Variants in KCNH2 observed in about 807,000 individuals in gnomAD.
The protein encoded by KCNH2 is voltage-gated inwardly rectifying potassium channel KCNH2.
In KCNH2, 35 loss-of-function variants were observed where a neutral mutation model predicts 95.9. The observed-to-expected ratio is 0.37, with a 90% CI of 0.28 to 0.48. The LOEUF is 0.48. Among genes scored for constraint, KCNH2 ranks in the 20% least tolerant of loss-of-function variants. The pLI is 0.99. For synonymous variants in KCNH2, 786 were observed against 754.7 expected, an observed-to-expected ratio of 1.04 and a Z score of -0.68; for missense variants, 1,274 against 1,702.9, an observed-to-expected ratio of 0.75 and a Z score of 4.43.
At chr7:150,975,649 T>C (rs1488268895) in intron 1 of KCNH2, among the ~76,000 whole-genome samples, 2 of 152,234 alleles carry the variant, frequency 1.3e-5, no homozygotes, top group African/African-American at 4.8e-5. Flanking sequence ...CCTCCTTTTA[T>C]AGATGAAGAA....
At chr7:150,977,205 C>T (rs778628273) in intron 1 of KCNH2, among the ~76,000 whole-genome samples, 13 of 152,176 alleles carry the variant, frequency 8.5e-5, no homozygotes, top group Non-Finnish European at 1.8e-4. Flanking sequence ...GCTGCTTACC[C>T]TCAAAGCCCA....
chr7:150,952,350 C>G lies in KCNH2; in HGVS notation c.1557+75G>C, dbSNP rs539082699. Reference sequence around the variant, plus strand: ...TTTTTCTCTGTCCTCCTCGCCACCCCCTCCACCCCACTACCTCCCACCACA... The same window carrying G: ...TTTTTCTCTGTCCTCCTCGCCACCCGCTCCACCCCACTACCTCCCACCACA... On this transcript the variant is annotated intron_variant, in intron 6 of 14. Coordinates refer to ENST00000262186, the MANE Select transcript of KCNH2 (RefSeq NM_000238.4). The surrounding 1 kb of genome is among the most constrained non-coding windows in gnomAD (Gnocchi z 7.3). 2.5e-5 allele frequency: 36 copies of G among 1,427,112 alleles called. No individual in the cohort carries two copies. In the African/African-American group the frequency reaches 4.7e-4, roughly 18 times the overall value. 88.4% of individuals were successfully genotyped at this position (1,427,112 alleles called of 1,614,324 possible).
At chr7:150,968,817 G>A (rs1219966612) in intron 2 of KCNH2, among the ~76,000 whole-genome samples, 1 of 152,172 alleles carries the variant, frequency 6.6e-6, no homozygotes, top group Non-Finnish European at 1.5e-5. Context: ...TAGGAGCAGG[G>A]GTGCTGAGGC....
At position 150,952,350 on chromosome 7, in the gene KCNH2, C is replaced by A; in HGVS notation, c.1557+75G>T. 7.0e-7 allele frequency: 1 copy of A among 1,427,112 alleles called. No homozygotes were observed. The highest frequency in any genetic ancestry group is 9.7e-7 in the Non-Finnish European group (1 of 1,029,362). The allele number at this position is 1,427,112 out of a possible 1,614,324, so 88.4% of individuals were successfully genotyped here. A position where few individuals can be genotyped will look rare whatever the true frequency, so the allele number is the denominator to read the frequency against. The stretch of plus-strand genomic sequence containing the variant: ...TTTTTCTCTGTCCTCCTCGCCACCC[C>A]CTCCACCCCACTACCTCCCACCACA... On this transcript the variant is annotated intron_variant, in intron 6 of 14. Coordinates refer to ENST00000262186, the MANE Select transcript of KCNH2 (RefSeq NM_000238.4). The surrounding 1 kb of genome is among the most constrained non-coding windows in gnomAD (Gnocchi z 7.3).
At chr7:150,968,661 A>C (rs915588402) in intron 2 of KCNH2, among the ~76,000 whole-genome samples, 3 of 152,218 alleles carry the variant, frequency 2.0e-5, no homozygotes, top group African/African-American at 7.2e-5. Flanking sequence ...GGGAAAAGGA[A>C]AAAAATGAAA....
In KCNH2 at chr7:150,946,297, G is replaced by A. The variant is rs539050884; in HGVS notation, c.3330+580C>T. 6.6e-5 allele frequency among the ~76,000 whole-genome samples: 10 copies of A among 152,308 alleles called. No individual in the cohort carries two copies. Among genetic ancestry groups the A allele is most frequent in the African/African-American group, 2.2e-4 (9 of 41,564 alleles). On this transcript the variant is annotated intron_variant, in intron 14 of 14. Transcript: ENST00000262186. This position sits in a 1 kb window ranked among gnomAD's most constrained non-coding sequence, Gnocchi z 6.5. Reference sequence around the variant, plus strand: ...CTAAGGCCCATCTCTAGCAGAGGGGGCAAAGCAGGCCCAGGAAGTCCTCCC... The same window carrying A: ...CTAAGGCCCATCTCTAGCAGAGGGGACAAAGCAGGCCCAGGAAGTCCTCCC...
chr7:150,945,623 G>A lies in KCNH2; in HGVS notation c.3331-109C>T, dbSNP rs1166170171. 40 of 1,193,146 alleles carry A rather than the reference G, an allele frequency of 3.4e-5. No homozygotes were observed. In the East Asian group the frequency reaches 9.7e-4, roughly 29 times the overall value. 73.9% of individuals were successfully genotyped at this position (1,193,146 alleles called of 1,614,324 possible). On this transcript the variant is annotated intron_variant, in intron 14 of 14. Coordinates refer to ENST00000262186, the MANE Select transcript of KCNH2 (RefSeq NM_000238.4). The surrounding 1 kb of genome is among the most constrained non-coding windows in gnomAD (Gnocchi z 5.6). ...CAGAGGATGGACGGGAGGACAGGAGGGCCAAGAGGAGAGTCAGGTGGGCAG... is the reference window on the plus strand; with the variant it reads ...CAGAGGATGGACGGGAGGACAGGAGAGCCAAGAGGAGAGTCAGGTGGGCAG...
intron 9 of KCNH2, 83 bp downstream of exon 9, chr7:150,950,085 C>A (rs1297779143): frequency 1.2e-6 from 2 of 1,613,474 alleles, no homozygotes; most frequent in East Asian, 4.5e-5. Flanking sequence ...TCCACAGCCC[C>A]AGTGACTGCA....
chr7:150,948,408 C>A, intron 11 of KCNH2, 36 bp downstream of exon 11: 4 of 967,832 alleles, frequency 4.1e-6, no homozygotes, highest in South Asian at 1.4e-5. Flanking sequence ...CTCACCTTGT[C>A]CCCGCCCTCC....
In KCNH2 at chr7:150,963,622, C is replaced by T. The variant is rs184159705; in HGVS notation, c.308-3886G>A. ...CCCCACTCCCACCCCAGCCTCAGCCCCAGCGCTGGCTGAAGACACCTTACT... is the reference window on the plus strand; with the variant it reads ...CCCCACTCCCACCCCAGCCTCAGCCTCAGCGCTGGCTGAAGACACCTTACT... On this transcript the variant is annotated intron_variant, in intron 2 of 14. Transcript: ENST00000262186. Among the ~76,000 whole-genome samples, 704 of 151,960 alleles carry T rather than the reference C, an allele frequency of 4.6e-3. 4 individuals carry two copies. Among genetic ancestry groups the T allele is most frequent in the African/African-American group, 0.016 (667 of 41,416 alleles).
At chr7:150,964,190 C>T (rs1447365034) in intron 2 of KCNH2, among the ~76,000 whole-genome samples, 2 of 152,204 alleles carry the variant, frequency 1.3e-5, no homozygotes, top group Non-Finnish European at 2.9e-5. Context: ...TGACCTTAGG[C>T]ACCTTCTGGG....
At chr7:150,968,267 C>T (rs1434132368) in intron 2 of KCNH2, among the ~76,000 whole-genome samples, 1 of 152,206 alleles carries the variant, frequency 6.6e-6, no homozygotes. Context: ...ATCCCACAGA[C>T]ATCCTCACCC....
intron 9 of KCNH2, chr7:150,949,303 A>T: frequency 7.2e-7 from 1 of 1,384,754 alleles, no homozygotes; most frequent in South Asian, 1.5e-5. Flanking sequence ...CAGCAGGACT[A>T]CCCCAAACCC....
rs766394577 is a variant in KCNH2 at position 150,952,846 on chromosome 7, G to T, written c.1136C>A (p.Ser379Tyr). The change falls in exon 6 of 15, where the codon TCC (serine) becomes TAC (tyrosine). Residue 379 changes from serine (S) to tyrosine (Y), a missense_variant. This residue lies in a region of KCNH2 where 392 missense variants were observed against 429.9 expected (regional missense o/e 0.91). Transcript: ENST00000262186. This position sits in a 1 kb window ranked among gnomAD's most constrained non-coding sequence, Gnocchi z 7.3. ...NVTEKVTQVL[S>Y]LGADVLPEYK... ...CTCAGGCAGCACGTCGGCGCCCAGG[G>T]ACAGGACCTGCACCCGGGGAAGGCG... The T allele has an allele frequency of 6.2e-7, 1 of 1,613,388 alleles. No individual in the cohort carries two copies. The highest frequency in any genetic ancestry group is 1.1e-5 in the South Asian group (1 of 91,072).
chr7:150,974,542 A>C (rs1475959806), intron 2 of KCNH2, among the ~76,000 whole-genome samples, 169 bp downstream of exon 2: 1 of 152,092 alleles, frequency 6.6e-6, no homozygotes. Context: ...TCCCACAGGC[A>C]CACCGCAGGG....
At chr7:150,970,937 A>G (rs1801825490) in intron 2 of KCNH2, among the ~76,000 whole-genome samples, 2 of 152,188 alleles carry the variant, frequency 1.3e-5, no homozygotes, top group Non-Finnish European at 2.9e-5. Context: ...CCCAGCCTCA[A>G]GGCTCCCCTT....
rs1472741486 is a variant in KCNH2, at chr7:150,946,451, G to A, written c.3330+426C>T. Reference sequence around the variant, plus strand: ...GAGTGTCACTCACAGAAGGGACCCGGGACCCTGTCCCTAGATACTCTGGTA... The same window carrying A: ...GAGTGTCACTCACAGAAGGGACCCGAGACCCTGTCCCTAGATACTCTGGTA... On this transcript the variant is annotated intron_variant, in intron 14 of 14. Transcript: ENST00000262186. The surrounding 1 kb of genome is among the most constrained non-coding windows in gnomAD (Gnocchi z 6.5). Among the ~76,000 whole-genome samples the A allele has an allele frequency of 6.6e-6, 1 of 152,198 alleles. No individual in the cohort carries two copies. Among genetic ancestry groups the A allele is most frequent in the Non-Finnish European group, 1.5e-5 (1 of 68,028 alleles).
At chr7:150,968,746 G>A (rs1801765309) in intron 2 of KCNH2, among the ~76,000 whole-genome samples, 1 of 152,186 alleles carries the variant, frequency 6.6e-6, no homozygotes, top group Non-Finnish European at 1.5e-5. Context: ...GGGGCCAGCA[G>A]CAGCCTGCAG....
rs939435672 is a variant in KCNH2 at position 150,948,860 on chromosome 7, C to T, written c.2588G>A (p.Arg863Gln). ...WSSLEITFNL[R>Q]DTNMIPGSPG... is the part of the protein sequence containing the mutation. ...AGCTCAGGGCAGCCAACTCACATCT[C>T]GCAGGTTGAAGGTGATCTCCAGGCT... Residue 863 changes from arginine to glutamine, a missense_variant, in exon 10 of 15, where the codon CGA becomes CAA. Physicochemically the swap from Arg to Gln is conservative, Grantham distance 43. Around this residue, in one of 7 missense-constraint regions of KCNH2, gnomAD observed 159 missense variants for 282.5 expected, o/e 0.56. Coordinates refer to ENST00000262186, the MANE Select transcript of KCNH2 (RefSeq NM_000238.4). 6.2e-7 allele frequency: 1 copy of T among 1,614,046 alleles called. No individual in the cohort carries two copies. Among genetic ancestry groups the T allele is most frequent in the Non-Finnish European group, 8.5e-7 (1 of 1,180,000 alleles).
Sources: allele counts gnomAD v4.1 joint callset (sites outside exome capture counted in the v4.1 genomes callset), GRCh38; gene constraint gnomAD v4.1.1; regional missense constraint gnomAD v4.1.1; non-coding constraint Gnocchi (gnomAD v3.1); transcripts MANE v1.5; gene names NCBI Gene and HGNC (gene_info 2026-07-23, HGNC 2026-07-21).